Variants in KAT6A observed in about 807,000 individuals in gnomAD.
KAT6A encodes histone acetyltransferase KAT6A.
In KAT6A, 9 loss-of-function variants were observed where a neutral mutation model predicts 198.4. The ratio of observed to expected loss-of-function variants is 0.05; its 90% confidence interval spans 0.03 to 0.08. KAT6A has a LOEUF of 0.08. Among genes scored for constraint, KAT6A ranks in the 10% least tolerant of loss-of-function variants. KAT6A has a pLI of 1.00. For missense variants in KAT6A, 2,077 were observed against 2,509.9 expected, an observed-to-expected ratio of 0.83 and a Z score of 3.69; for synonymous variants, 890 against 883.0, an observed-to-expected ratio of 1.01 and a Z score of -0.14.
chr8:41,936,899 T>C (rs764575458), intron 16 of KAT6A, among the ~76,000 whole-genome samples: 1 of 152,224 alleles, frequency 6.6e-6, no homozygotes, highest in Non-Finnish European at 1.5e-5. Flanking sequence ...AGACTAAGTC[T>C]AGAGAATGCA....
intron 3 of KAT6A, 94 bp downstream of exon 3, chr8:41,987,361 T>C: frequency 4.1e-6 from 3 of 734,050 alleles, no homozygotes; most frequent in Non-Finnish European, 7.3e-6. Context: ...ACTGTATTAA[T>C]CTCATAAGGA....
chr8:42,051,695 AAGCG>A (rs1256888098), intron 1 of KAT6A, among the ~76,000 whole-genome samples: 13 of 144,074 alleles, frequency 9.0e-5, no homozygotes, highest in African/African-American at 2.3e-4. Context: ...ACAAGCGAGC[AAGCG>A]AGCGAGCGAG....
At chr8:41,946,446 A>C in intron 12 of KAT6A, 145 bp downstream of exon 12, 1 of 511,440 alleles carries the variant, frequency 2.0e-6, no homozygotes, top group Non-Finnish European at 3.4e-6. Flanking sequence ...ATGACAAAAG[A>C]TACTAGCAGC....
chr8:42,004,554 CT>C (rs2150904534), intron 2 of KAT6A, among the ~76,000 whole-genome samples: 2 of 152,186 alleles, frequency 1.3e-5, no homozygotes, highest in East Asian at 3.9e-4. Flanking sequence ...CCTACATTAC[CT>C]TCTTTAATTC....
At chr8:42,015,420 T>C (rs1405427436) in intron 2 of KAT6A, among the ~76,000 whole-genome samples, 1 of 152,254 alleles carries the variant, frequency 6.6e-6, no homozygotes, top group Non-Finnish European at 1.5e-5. Context: ...TTTCTTGCCT[T>C]AAGTTCAGAA....
chr8:42,027,744 T>C (rs1041406554), intron 2 of KAT6A, among the ~76,000 whole-genome samples: 1 of 152,120 alleles, frequency 6.6e-6, no homozygotes, highest in Non-Finnish European at 1.5e-5. Flanking sequence ...TTCATTTTGT[T>C]GATTCTTTGT....
chr8:41,931,667 T>A lies in KAT6A; in HGVS notation c.*538A>T. On this transcript the variant is annotated 3_prime_UTR_variant, in exon 17 of 17. Coordinates refer to ENST00000265713, the MANE Select transcript of KAT6A (RefSeq NM_006766.5). ...AATAATATTAACAATAATAATAAGT[T>A]TAAGGAGCTTGGGTTGTTCTCCATG... The A allele has an allele frequency of 5.4e-6, 1 of 186,474 alleles. No individual in the cohort carries two copies. The highest frequency in any genetic ancestry group is 1.1e-5 in the Non-Finnish European group (1 of 88,222). 11.6% of individuals were successfully genotyped at this position (186,474 alleles called of 1,614,324 possible). A position where few individuals can be genotyped will look rare whatever the true frequency, so the allele number is the denominator to read the frequency against.
intron 2 of KAT6A, among the ~76,000 whole-genome samples, chr8:41,989,207 G>A (rs944771814): frequency 2.0e-5 from 3 of 152,084 alleles, no homozygotes; most frequent in Non-Finnish European, 2.9e-5. Context: ...GGGGCTTACT[G>A]AGCTTAAAAA....
intron 8 of KAT6A, among the ~76,000 whole-genome samples, chr8:41,968,527 G>A (rs2150880609): frequency 6.6e-6 from 1 of 152,266 alleles, no homozygotes; most frequent in South Asian, 2.1e-4. Context: ...ACTGTTGGTG[G>A]GACTGTAAAC....
chr8:42,000,752 G>C (rs895288460), intron 2 of KAT6A, among the ~76,000 whole-genome samples: 8 of 152,056 alleles, frequency 5.3e-5, no homozygotes, highest in African/African-American at 1.9e-4. Flanking sequence ...ATACATATCT[G>C]ATAGAATGCA....
At chr8:42,033,658 C>G (rs1312556852) in intron 2 of KAT6A, among the ~76,000 whole-genome samples, 2 of 152,182 alleles carry the variant, frequency 1.3e-5, no homozygotes, top group Admixed American at 6.5e-5. Context: ...ACCCCCTCCT[C>G]TGTGTTTCCA....
At chr8:41,949,436 CT>C in intron 9 of KAT6A, 73 bp from the exon 10 acceptor site, 1 of 1,174,396 alleles carries the variant, frequency 8.5e-7, no homozygotes, top group Non-Finnish European at 1.1e-6. Context: ...CAATTATCAT[CT>C]TTTTGCCTCT....
At position 41,932,992 on chromosome 8, in the gene KAT6A, C is replaced by G. The variant is rs1239809357; in HGVS notation, c.5228G>C (p.Ser1743Thr). ...GAAGGTGGCTGATGGTTGAGAGTAG[C>G]TGCCGGCACCAAAATCCCCTGGAAT... Reference protein sequence around the residue: ...ERIPGDFGAGSYSQPSATFSL... With the variant: ...ERIPGDFGAGTYSQPSATFSL... Residue 1743 changes from serine (S) to threonine (T), a missense_variant, in exon 17 of 17, where the codon AGC becomes ACC. Physicochemically the swap from Ser to Thr is moderately conservative, Grantham distance 58. Coordinates refer to ENST00000265713, the MANE Select transcript of KAT6A (RefSeq NM_006766.5). 6.2e-7 allele frequency: 1 copy of G among 1,614,152 alleles called. No homozygotes were observed. Among genetic ancestry groups the G allele is most frequent in the Admixed American group, 1.7e-5 (1 of 60,024 alleles).
chr8:42,044,211 C>T (rs563252203), intron 2 of KAT6A, among the ~76,000 whole-genome samples: 4 of 151,340 alleles, frequency 2.6e-5, no homozygotes, highest in Non-Finnish European at 5.9e-5. Context: ...AGCGATTATC[C>T]TGCCTCAGCC....
intron 3 of KAT6A, among the ~76,000 whole-genome samples, chr8:41,985,511 A>G (rs941787509): frequency 6.6e-6 from 1 of 152,240 alleles, no homozygotes; most frequent in African/African-American, 2.4e-5. Context: ...TGATAAGCAA[A>G]GTCATGGTAA....
rs568098829 is a variant in KAT6A, at chr8:42,022,461, A to T, written c.600+25917T>A. Reference sequence around the variant, plus strand: ...GTTAAAACAGCCTAACAGTACAAATACAAATTAGATGTTGTCTTTGGTCAT... The same window carrying T: ...GTTAAAACAGCCTAACAGTACAAATTCAAATTAGATGTTGTCTTTGGTCAT... On this transcript the variant is annotated intron_variant, in intron 2 of 16. Coordinates refer to ENST00000265713, the MANE Select transcript of KAT6A (RefSeq NM_006766.5). 2.6e-5 allele frequency among the ~76,000 whole-genome samples: 4 copies of T among 152,358 alleles called. No individual in the cohort carries two copies. In the South Asian group the frequency reaches 8.3e-4, roughly 32 times the overall value.
chr8:42,044,263 G>C (rs1827802266), intron 2 of KAT6A, among the ~76,000 whole-genome samples: 1 of 151,898 alleles, frequency 6.6e-6, no homozygotes, highest in African/African-American at 2.4e-5. Flanking sequence ...ATCATGCCGG[G>C]CTGATTTTTG....
At chr8:41,979,249 C>T (rs1317589592) in intron 5 of KAT6A, among the ~76,000 whole-genome samples, 1 of 152,150 alleles carries the variant, frequency 6.6e-6, no homozygotes, top group Non-Finnish European at 1.5e-5. Context: ...GCCTGGGCGA[C>T]AGAGTGAGAC....
intron 2 of KAT6A, among the ~76,000 whole-genome samples, chr8:41,989,635 T>A (rs1298200242): frequency 2.6e-5 from 4 of 152,048 alleles, no homozygotes; most frequent in African/African-American, 7.3e-5. Flanking sequence ...ACTGACAATA[T>A]AATACAGAGA....
Sources: allele counts gnomAD v4.1 joint callset (sites outside exome capture counted in the v4.1 genomes callset), GRCh38; gene constraint gnomAD v4.1.1; transcripts MANE v1.5; gene names NCBI Gene and HGNC (gene_info 2026-07-23, HGNC 2026-07-21).